Variants in ERAP1 observed in about 807,000 individuals in gnomAD.
ERAP1 encodes endoplasmic reticulum aminopeptidase 1, also known as adipocyte-derived leucine aminopeptidase.
Under a neutral mutation model 103.7 loss-of-function variants are expected in ERAP1, and 86 were observed. The ratio of observed to expected loss-of-function variants is 0.83; its 90% CI spans 0.70 to 0.99. The LOEUF (loss-of-function observed/expected upper bound fraction) is 0.99. Among genes scored for constraint, ERAP1 ranks in the 50% least tolerant of loss-of-function variants. The probability of loss-of-function intolerance (pLI) is 0.00; values close to 1 mark genes in which losing one functional copy is unlikely to be tolerated. For missense variants in ERAP1, 1,009 were observed against 1,128.4 expected, an observed-to-expected ratio of 0.89 and a Z score of 1.52; for synonymous variants, 398 against 402.4, an observed-to-expected ratio of 0.99 and a Z score of 0.13.
the ERAP1 span, chr5:96,917,327 C>T: frequency 1.5e-6 from 1 of 648,900 alleles, no homozygotes; most frequent in Non-Finnish European, 2.6e-6. Flanking sequence ...TGGCATGTTG[C>T]CTAGGCTCGT....
At chr5:96,840,718 T>G in the ERAP1 span, among the ~76,000 whole-genome samples, 5 of 152,034 alleles carry the variant, frequency 3.3e-5, no homozygotes, top group African/African-American at 1.2e-4. Context: ...TTTTCTTTTT[T>G]TTTTTTGAGA....
chr5:96,867,744 T>C, the ERAP1 span, among the ~76,000 whole-genome samples: 146 of 152,234 alleles, frequency 9.6e-4, 2 homozygotes, highest in East Asian at 0.024. Context: ...AAAAAAAAGG[T>C]ACTGCTTTGT....
At chr5:96,815,407 G>GTTTTTTTTTTTTTTTTTTTTTTTTTTTT in the ERAP1 span, among the ~76,000 whole-genome samples, 1 of 105,456 alleles carries the variant, frequency 9.5e-6, no homozygotes. Context: ...TGTTTGTTTT[G>GTTTTTTTTTTTTTTTTTTTTTTTTTTTT]TTTTTTATTT....
chr5:96,887,028 T>C, the ERAP1 span, among the ~76,000 whole-genome samples: 8 of 150,088 alleles, frequency 5.3e-5, no homozygotes, highest in Non-Finnish European at 1.2e-4. Flanking sequence ...TGGGTGTACA[T>C]AGTAACAGTA....
the ERAP1 span, among the ~76,000 whole-genome samples, chr5:96,900,763 A>G: frequency 6.6e-6 from 1 of 152,032 alleles, no homozygotes; most frequent in Non-Finnish European, 1.5e-5. Flanking sequence ...TGCAACCTCC[A>G]CCTCTCTGGT....
chr5:96,892,034 T>C, the ERAP1 span, among the ~76,000 whole-genome samples: 1 of 152,182 alleles, frequency 6.6e-6, no homozygotes, highest in Non-Finnish European at 1.5e-5. Flanking sequence ...TTTTCAGAGT[T>C]CAGCACTTTC....
chr5:96,935,182 A>G, the ERAP1 span: 3 of 152,040 alleles, frequency 2.0e-5, no homozygotes, highest in Non-Finnish European at 1.5e-5. Context: ...GCAGGTGTTG[A>G]TTTAAGGCTC....
downstream of ERAP1, chr5:96,769,892 C>A (rs1771632863): frequency 6.7e-6 from 1 of 149,636 alleles, no homozygotes; most frequent in Non-Finnish European, 1.5e-5. Flanking sequence ...CATGTTGTGA[C>A]AAATAGTAGG....
At chr5:96,771,899 A>AAC (rs1772510390), downstream of ERAP1, 1 of 417,416 alleles carries the variant, frequency 2.4e-6, no homozygotes, top group East Asian at 3.6e-5. Flanking sequence ...TTGCTATTGA[A>AAC]ATGTTTAAAA....
the ERAP1 span, among the ~76,000 whole-genome samples, chr5:96,911,246 C>G: frequency 1.3e-5 from 2 of 152,164 alleles, no homozygotes; most frequent in Non-Finnish European, 2.9e-5. Context: ...GGTATGGAGA[C>G]TAGTACAATC....
At chr5:96,850,454 A>C in the ERAP1 span, among the ~76,000 whole-genome samples, 1 of 152,248 alleles carries the variant, frequency 6.6e-6, no homozygotes, top group Non-Finnish European at 1.5e-5. Context: ...TTCTCGTAGA[A>C]AGACAAAGAA....
downstream of ERAP1, chr5:96,769,652 GT>G: frequency 6.6e-6 from 1 of 151,820 alleles, no homozygotes; most frequent in African/African-American, 2.4e-5. Flanking sequence ...ATTAACCTTA[GT>G]CCTCATGTTA....
chr5:96,887,483 A>G, the ERAP1 span, among the ~76,000 whole-genome samples: 1 of 152,102 alleles, frequency 6.6e-6, no homozygotes, highest in South Asian at 2.1e-4. Flanking sequence ...GTATATTTGT[A>G]GAGATGGGGT....
At chr5:96,889,432 A>G in the ERAP1 span, 9 of 1,074,086 alleles carry the variant, frequency 8.4e-6, no homozygotes, top group Admixed American at 1.2e-4. Context: ...GGAAAAAATA[A>G]TTTGTTCCTC....
chr5:96,909,461 C>A, the ERAP1 span: 7 of 777,784 alleles, frequency 9.0e-6, no homozygotes, highest in Non-Finnish European at 1.5e-5. Context: ...CGAAGATACA[C>A]TGTTTGGGGA....
the ERAP1 span, chr5:96,873,607 A>T: frequency 2.6e-6 from 1 of 381,734 alleles, no homozygotes; most frequent in African/African-American, 2.1e-5. Flanking sequence ...CTGAGGAAAC[A>T]CTTGGCTCAT....
downstream of ERAP1, chr5:96,773,692 A>G (rs922382381): frequency 2.0e-5 from 3 of 152,276 alleles, no homozygotes; most frequent in Admixed American, 6.5e-5. Context: ...ATGGTTTTCT[A>G]ATATCTTAAT....
chr5:96,911,465 G>T, the ERAP1 span, among the ~76,000 whole-genome samples: 1 of 152,160 alleles, frequency 6.6e-6, no homozygotes, highest in East Asian at 1.9e-4. Context: ...TAGAAGGACA[G>T]AAAATCATGT....
chr5:96,891,519 C>A, the ERAP1 span, among the ~76,000 whole-genome samples: 2 of 27,478 alleles, frequency 7.3e-5, no homozygotes, highest in African/African-American at 3.0e-4. Context: ...ATATATATGC[C>A]CATATACGGT....
Sources: allele counts gnomAD v4.1 joint callset (sites outside exome capture counted in the v4.1 genomes callset), GRCh38; gene constraint gnomAD v4.1.1; transcripts MANE v1.5; gene names NCBI Gene and HGNC (gene_info 2026-07-23, HGNC 2026-07-21).